The following SLCO5A1 variants were observed in gnomAD, a reference collection of about 807,000 sequenced individuals.
SLCO5A1 encodes organic anion transporter polypeptide-related protein 4.
In SLCO5A1, 39 loss-of-function variants were observed where a neutral mutation model predicts 65.1. The observed-to-expected ratio is 0.60, with a 90% confidence interval of 0.46 to 0.78. The LOEUF is 0.78. Among genes scored for constraint, SLCO5A1 ranks in the 30% least tolerant of loss-of-function variants. The pLI is 0.00. For missense variants in SLCO5A1, 1,029 were observed against 1,069.4 expected (o/e 0.96, Z 0.53); for synonymous variants, 438 against 415.7 (o/e 1.05, Z -0.65).
At chr8:69,744,005 G>A (rs552077289) in intron 4 of SLCO5A1, among the ~76,000 whole-genome samples, 112 of 152,230 alleles carry the variant, frequency 7.4e-4, no homozygotes, top group Non-Finnish European at 1.3e-3. Context: ...ATGGCAATGG[G>A]CACATCCCTA....
At chr8:69,793,190 G>A (rs1439413932) in intron 2 of SLCO5A1, among the ~76,000 whole-genome samples, 2 of 152,026 alleles carry the variant, frequency 1.3e-5, no homozygotes, top group African/African-American at 4.8e-5. Context: ...CACCATACTG[G>A]CCAGGCTGGT....
chr8:69,729,545 C>T (rs899361834), intron 5 of SLCO5A1, among the ~76,000 whole-genome samples: 5 of 150,166 alleles, frequency 3.3e-5, no homozygotes, highest in African/African-American at 1.2e-4. Context: ...AATTATTGGC[C>T]ACTATATAAA....
chr8:69,793,423 C>T (rs1819354410), intron 2 of SLCO5A1, among the ~76,000 whole-genome samples: 1 of 151,818 alleles, frequency 6.6e-6, no homozygotes, highest in Admixed American at 6.6e-5. Context: ...GCTACTTTCA[C>T]ACATGTTTAT....
At chr8:69,759,084 G>A (rs975662726) in intron 3 of SLCO5A1, among the ~76,000 whole-genome samples, 1 of 152,202 alleles carries the variant, frequency 6.6e-6, no homozygotes, top group Non-Finnish European at 1.5e-5. Context: ...GTAGAGCTTA[G>A]TATAATGCTT....
chr8:69,725,776 G>C (rs950757217), intron 5 of SLCO5A1, among the ~76,000 whole-genome samples: 5 of 152,136 alleles, frequency 3.3e-5, no homozygotes, highest in Non-Finnish European at 7.4e-5. Context: ...TTGAACCAAG[G>C]ATAAGATGCA....
chr8:69,820,334 A>G (rs775914355), intron 2 of SLCO5A1, among the ~76,000 whole-genome samples: 5 of 152,208 alleles, frequency 3.3e-5, no homozygotes, highest in Non-Finnish European at 5.9e-5. Flanking sequence ...CCAGCCCCTG[A>G]CTGCCCACCC....
chr8:69,713,698 CT>C (rs1373477577), intron 5 of SLCO5A1: 1 of 152,128 alleles, frequency 6.6e-6, no homozygotes, highest in African/African-American at 2.4e-5. Context: ...TTCATAATAA[CT>C]CAAAATCATG....
At chr8:69,785,898 T>C (rs906309727) in intron 2 of SLCO5A1, among the ~76,000 whole-genome samples, 1 of 152,230 alleles carries the variant, frequency 6.6e-6, no homozygotes, top group Non-Finnish European at 1.5e-5. Flanking sequence ...ATCTTTTAAA[T>C]AGAGAATCCT....
At chr8:69,798,340 T>A (rs910696497) in intron 2 of SLCO5A1, among the ~76,000 whole-genome samples, 1 of 152,136 alleles carries the variant, frequency 6.6e-6, no homozygotes, top group Non-Finnish European at 1.5e-5. Flanking sequence ...GACTGGGTAA[T>A]TTATAAAGAA....
At chr8:69,710,918 G>A (rs1285897597) in intron 5 of SLCO5A1, among the ~76,000 whole-genome samples, 1 of 152,082 alleles carries the variant, frequency 6.6e-6, no homozygotes, top group African/African-American at 2.4e-5. Flanking sequence ...TTGGATCTCC[G>A]ATCAGAGAAA....
intron 4 of SLCO5A1, among the ~76,000 whole-genome samples, chr8:69,748,793 G>A (rs1817150821): frequency 6.6e-6 from 1 of 152,180 alleles, no homozygotes; most frequent in South Asian, 2.1e-4. Context: ...GTTAAAAAAT[G>A]CTCATTCTCA....
intron 5 of SLCO5A1, among the ~76,000 whole-genome samples, chr8:69,733,508 C>A (rs1335836890): frequency 6.6e-6 from 1 of 152,182 alleles, no homozygotes; most frequent in Non-Finnish European, 1.5e-5. Flanking sequence ...CCCTGTATAA[C>A]TGCTCCTTCA....
intron 2 of SLCO5A1, among the ~76,000 whole-genome samples, chr8:69,786,920 A>G (rs1290910132): frequency 6.6e-6 from 1 of 152,254 alleles, no homozygotes; most frequent in African/African-American, 2.4e-5. Context: ...GATCCATTCC[A>G]ATAATTTTGG....
chr8:69,684,223 G>T (rs1450233557), intron 6 of SLCO5A1, among the ~76,000 whole-genome samples: 1 of 152,118 alleles, frequency 6.6e-6, no homozygotes, highest in African/African-American at 2.4e-5. Flanking sequence ...GTCTCCACTG[G>T]GTCAATTTTG....
chr8:69,796,438 A>T (rs764329466), intron 2 of SLCO5A1, among the ~76,000 whole-genome samples: 8 of 151,890 alleles, frequency 5.3e-5, no homozygotes, highest in Non-Finnish European at 1.0e-4. Flanking sequence ...ACACAGCAAG[A>T]CCCTGCCTCT....
chr8:69,668,083 GTTTT>G lies in SLCO5A1; in HGVS notation c.*4782_*4785del, dbSNP rs900348421. 2.2e-4 allele frequency: 34 copies of G among 152,236 alleles called. No individual in the cohort carries two copies. The highest frequency in any genetic ancestry group is 7.2e-4 in the Admixed American group (11 of 15,300). The allele number at this position is 152,236 out of a possible 1,614,324, so 9.4% of individuals were successfully genotyped here. On this transcript the variant is annotated 3_prime_UTR_variant, in exon 10 of 10. Coordinates refer to ENST00000260126, the MANE Select transcript of SLCO5A1 (RefSeq NM_030958.3). ...TTGCAAAAGCAAACACCTAGGGAGG[GTTTT>G]TTGTTTTCTGTTTTTTGTTGTTGTT...
At chr8:69,801,768 C>T (rs1819747500) in intron 2 of SLCO5A1, among the ~76,000 whole-genome samples, 1 of 152,124 alleles carries the variant, frequency 6.6e-6, no homozygotes, top group Non-Finnish European at 1.5e-5. Flanking sequence ...AGTCACTCAC[C>T]CAGAGTGACT....
At position 69,669,680 on chromosome 8, in the gene SLCO5A1, G is replaced by A. The variant is rs1360285000; in HGVS notation, c.*3189C>T. On this transcript the variant is annotated 3_prime_UTR_variant, in exon 10 of 10. Transcript: ENST00000260126. ...AAATAGAAAAAAAATAGCTGGGTGT[G>A]GTGGCACACACCTTAATCCCAGTTC... 3 of 152,078 alleles carry A rather than the reference G, an allele frequency of 2.0e-5. No homozygotes were observed. The highest frequency in any genetic ancestry group is 7.2e-5 in the African/African-American group (3 of 41,394). The allele number at this position is 152,078 out of a possible 1,614,324, so 9.4% of individuals were successfully genotyped here.
intron 2 of SLCO5A1, among the ~76,000 whole-genome samples, chr8:69,785,934 A>G (rs1819027366): frequency 6.6e-6 from 1 of 152,242 alleles, no homozygotes; most frequent in Admixed American, 6.5e-5. Flanking sequence ...CTATTATAAT[A>G]TTCAGAGCAA....
Sources: allele counts gnomAD v4.1 joint callset (sites outside exome capture counted in the v4.1 genomes callset), GRCh38; gene constraint gnomAD v4.1.1; transcripts MANE v1.5; gene names NCBI Gene and HGNC (gene_info 2026-07-23, HGNC 2026-07-21).